Variants in RBM12 observed in about 807,000 individuals in gnomAD.
RBM12 encodes the protein RNA binding motif protein 12.
A neutral mutation model predicts 37.2 loss-of-function variants in RBM12; 24 were observed. That is an observed-to-expected ratio of 0.65 (90% CI 0.47 to 0.91). The LOEUF (loss-of-function observed/expected upper bound fraction) is 0.91, where lower values mean the gene tolerates loss of function less well. Ranked by LOEUF, RBM12 falls within the 40% of genes least tolerant of loss-of-function variation. RBM12 has a pLI of 0.00. For missense variants in RBM12, 1,061 were observed against 1,183.2 expected, an observed-to-expected ratio of 0.90 and a Z score of 1.52; for synonymous variants, 420 against 425.2, an observed-to-expected ratio of 0.99 and a Z score of 0.15.
At position 35,651,598 on chromosome 20, in the gene RBM12, G is replaced by T. The variant is rs1430912415; in HGVS notation, c.*926C>A. 6.6e-6 allele frequency: 1 copy of T among 152,012 alleles called. No homozygotes were observed. The highest frequency in any genetic ancestry group is 1.5e-5 in the Non-Finnish European group (1 of 68,010). 9.4% of individuals were successfully genotyped at this position (152,012 alleles called of 1,614,324 possible). A position where few individuals can be genotyped will look rare whatever the true frequency, so the allele number is the denominator to read the frequency against. On this transcript the variant is annotated 3_prime_UTR_variant, in exon 3 of 3. Transcript: ENST00000374114. ...TTAAAGGCCAAAATTTCACATAATC[G>T]GGACAGGAGGAAATTGATACTACAA...
intron 1 of RBM12, among the ~76,000 whole-genome samples, chr20:35,663,789 G>A (rs887899560): frequency 5.3e-5 from 8 of 152,254 alleles, no homozygotes; most frequent in African/African-American, 1.9e-4. Context: ...CTGCTGCACT[G>A]GCGTCCAACC....
chr20:35,649,387 A>T lies in RBM12; in HGVS notation c.*3137T>A, dbSNP rs1426096390. Reference sequence around the variant, plus strand: ...CAAGGCTGACTATTTCCACCTAAAAATGTAATGTTTGCTTACTTCCATACA... The same window carrying T: ...CAAGGCTGACTATTTCCACCTAAAATTGTAATGTTTGCTTACTTCCATACA... On this transcript the variant is annotated 3_prime_UTR_variant, in exon 3 of 3. Coordinates refer to ENST00000374114, the MANE Select transcript of RBM12 (RefSeq NM_006047.6). 1 of 152,238 alleles carries T rather than the reference A, an allele frequency of 6.6e-6. No individual in the cohort carries two copies. Among genetic ancestry groups the T allele is most frequent in the Non-Finnish European group, 1.5e-5 (1 of 68,024 alleles). The allele number at this position is 152,238 out of a possible 1,614,324, so 9.4% of individuals were successfully genotyped here.
chr20:35,662,726 G>T (rs6121019), intron 1 of RBM12, among the ~76,000 whole-genome samples: 10,415 of 152,070 alleles, frequency 0.068, 438 homozygotes, highest in South Asian at 0.18. Context: ...GAACACACTG[G>T]CCCACAACAT....
chr20:35,651,401 C>G lies in RBM12; in HGVS notation c.*1123G>C, dbSNP rs1414412192. ...ATGAAGACTTTTAGTAAACAGGCTC[C>G]TGATCGAACAACTATGCCAAAAAGC... On this transcript the variant is annotated 3_prime_UTR_variant, in exon 3 of 3. Coordinates refer to ENST00000374114, the MANE Select transcript of RBM12 (RefSeq NM_006047.6). The G allele has an allele frequency of 6.6e-6, 1 of 152,202 alleles. No individual in the cohort carries two copies. The highest frequency in any genetic ancestry group is 2.4e-5 in the African/African-American group (1 of 41,446). 9.4% of individuals were successfully genotyped at this position (152,202 alleles called of 1,614,324 possible).
intron 1 of RBM12, among the ~76,000 whole-genome samples, chr20:35,663,326 T>G (rs2146388465): frequency 6.6e-6 from 1 of 152,356 alleles, no homozygotes; most frequent in East Asian, 1.9e-4. Flanking sequence ...TGCTCTGAGA[T>G]GCATTAACAA....
chr20:35,655,615 G>A (rs189147977), intron 2 of RBM12, among the ~76,000 whole-genome samples: 36 of 152,262 alleles, frequency 2.4e-4, no homozygotes, highest in African/African-American at 8.4e-4. Context: ...CTGTAGGACA[G>A]TAAAATACAT....
chr20:35,660,573 G>A (rs1326727644), intron 1 of RBM12, among the ~76,000 whole-genome samples: 1 of 152,124 alleles, frequency 6.6e-6, no homozygotes, highest in African/African-American at 2.4e-5. Context: ...GCCATATCTA[G>A]TAGTTTAACA....
Position 35,654,084 on chromosome 20 carries a change from C to A in RBM12, c.1239G>T (p.Ser413=), listed in dbSNP as rs757398218. ...PPPQTLPRSK[S]PSGQKRSRSR... ...ACCTTGATCTTTTCTGCCCACTGGG[C>A]GATTTTGACCTGGGAAGTGTCTGAG... The change falls in exon 3 of 3, where the codon TCG becomes TCT. Residue 413 remains serine, a synonymous_variant. Transcript: ENST00000374114. 5.6e-6 allele frequency: 9 copies of A among 1,614,018 alleles called. 1 individual carries two copies. Among genetic ancestry groups the A allele is most frequent in the South Asian group, 2.2e-5 (2 of 91,086 alleles).
chr20:35,660,811 G>A (rs773158443), intron 1 of RBM12, among the ~76,000 whole-genome samples: 1 of 152,112 alleles, frequency 6.6e-6, no homozygotes, highest in South Asian at 2.1e-4. Flanking sequence ...AGGTAAGAAG[G>A]TTCCTCTCAG....
intron 2 of RBM12, 47 bp downstream of exon 2, chr20:35,658,882 CT>C: frequency 1.4e-6 from 1 of 709,550 alleles, no homozygotes; most frequent in Non-Finnish European, 2.6e-6. Context: ...AATAAGCTAT[CT>C]CATTTTATTT....
At position 35,653,451 on chromosome 20, in the gene RBM12, C is replaced by T. The variant is rs747000745; in HGVS notation, c.1872G>A (p.Met624Ile). Residue 624 changes from methionine to isoleucine, a missense_variant, in exon 3 of 3, where the codon ATG becomes ATA. By Grantham distance (10) the Met-to-Ile change is conservative. Transcript: ENST00000374114. ...CAGGGGGATTTTTCTCAATCTCTCT[C>T]ATATCTTCTAGGGTAACTACATGAA... Reference protein sequence around the residue: ...AFVHVVTLEDMREIEKNPPAQ... With the variant: ...AFVHVVTLEDIREIEKNPPAQ... The T allele has an allele frequency of 6.2e-7, 1 of 1,614,186 alleles. No individual in the cohort carries two copies. Among genetic ancestry groups the T allele is most frequent in the Non-Finnish European group, 8.5e-7 (1 of 1,180,014 alleles).
At chr20:35,663,069 GCC>G (rs2034324245) in intron 1 of RBM12, among the ~76,000 whole-genome samples, 1 of 151,956 alleles carries the variant, frequency 6.6e-6, no homozygotes, top group African/African-American at 2.4e-5. Flanking sequence ...GTATAAACAC[GCC>G]AAACATTTCA....
intron 1 of RBM12, 96 bp from the exon 2 acceptor site, chr20:35,659,110 C>G: frequency 2.1e-6 from 1 of 487,220 alleles, no homozygotes; most frequent in Non-Finnish European, 3.8e-6. Context: ...AGTCTGAAAC[C>G]ACCAGAGTAC....
chr20:35,661,338 T>C (rs1481841241), intron 1 of RBM12, among the ~76,000 whole-genome samples: 1 of 152,258 alleles, frequency 6.6e-6, no homozygotes, highest in Non-Finnish European at 1.5e-5. Flanking sequence ...AGCTAGCGAC[T>C]GAATGCAGGA....
rs2033472298 is a variant in RBM12 at position 35,651,008 on chromosome 20, T to C, written c.*1516A>G. On this transcript the variant is annotated 3_prime_UTR_variant, in exon 3 of 3. Transcript: ENST00000374114. Reference sequence around the variant, plus strand: ...ATCTCTCCTTCTGTATTGTTTATAATGTGACACATTTTCAGAGCATTGACT... The same window carrying C: ...ATCTCTCCTTCTGTATTGTTTATAACGTGACACATTTTCAGAGCATTGACT... 1 of 152,572 alleles carries C rather than the reference T, an allele frequency of 6.6e-6. No homozygotes were observed. The allele number at this position is 152,572 out of a possible 1,614,324, so 9.5% of individuals were successfully genotyped here.
At position 35,653,202 on chromosome 20, in the gene RBM12, G is replaced by A. The variant is rs780875961; in HGVS notation, c.2121C>T (p.Phe707=). The part of the protein sequence containing the change: ...IPSAGGEEHA[F]LTVGSKEANN... ...TGGCTTCCTTTGATCCTACAGTCAG[G>A]AAGGCATGCTCTTCACCTCCTGCAC... Residue 707 remains phenylalanine, a synonymous_variant, in exon 3 of 3, where the codon TTC becomes TTT. Coordinates refer to ENST00000374114, the MANE Select transcript of RBM12 (RefSeq NM_006047.6). The A allele has an allele frequency of 6.2e-7, 1 of 1,613,512 alleles. No individual in the cohort carries two copies. Among genetic ancestry groups the A allele is most frequent in the Non-Finnish European group, 8.5e-7 (1 of 1,180,004 alleles).
chr20:35,664,431 T>C (rs1196915520), intron 1 of RBM12: 2 of 152,326 alleles, frequency 1.3e-5, no homozygotes, highest in South Asian at 2.1e-4. Flanking sequence ...ACTCGGGATG[T>C]AGGCGTGTTT....
chr20:35,660,466 G>A (rs776830329), intron 1 of RBM12, among the ~76,000 whole-genome samples: 46 of 152,160 alleles, frequency 3.0e-4, no homozygotes, highest in South Asian at 6.2e-4. Flanking sequence ...TGATCCACCC[G>A]CCTCAGCCTC....
At chr20:35,664,004 T>C (rs1178345403) in intron 1 of RBM12, among the ~76,000 whole-genome samples, 2 of 152,144 alleles carry the variant, frequency 1.3e-5, no homozygotes, top group African/African-American at 4.8e-5. Context: ...AGCAGCCCCT[T>C]CCCTACTGGG....
Sources: allele counts gnomAD v4.1 joint callset (sites outside exome capture counted in the v4.1 genomes callset), GRCh38; gene constraint gnomAD v4.1.1; transcripts MANE v1.5; gene names NCBI Gene and HGNC (gene_info 2026-07-23, HGNC 2026-07-21).